The following CACNG2 variants were observed in gnomAD, a reference collection of about 807,000 sequenced individuals.
CACNG2 encodes voltage-dependent calcium channel gamma-2 subunit.
Under a neutral mutation model 25.9 loss-of-function variants are expected in CACNG2, and 3 were observed. That is an observed-to-expected ratio of 0.12 (90% CI 0.05 to 0.30). The LOEUF (loss-of-function observed/expected upper bound fraction) is 0.30, where lower values mean the gene tolerates loss of function less well. CACNG2 is among the 10% of genes least tolerant of loss of function. The pLI is 1.00. For synonymous variants in CACNG2, 167 were observed against 173.3 expected (o/e 0.96, Z 0.29); for missense variants, 341 against 432.5 (o/e 0.79, Z 1.88).
chr22:36,633,873 G>A (rs2283999), intron 1 of CACNG2, among the ~76,000 whole-genome samples: 12,585 of 152,214 alleles, frequency 0.083, 764 homozygotes, highest in East Asian at 0.25. Flanking sequence ...CTGAAAGTCG[G>A]TTTCGGTGGA....
chr22:36,589,382 A>G (rs1935553153), intron 1 of CACNG2, among the ~76,000 whole-genome samples: 1 of 152,218 alleles, frequency 6.6e-6, no homozygotes, highest in Non-Finnish European at 1.5e-5. Flanking sequence ...CATCAAAAGT[A>G]ATAGTGAAAC....
chr22:36,679,185 C>CTTTCTTTCTTTCTTT (rs1937057899), intron 1 of CACNG2, among the ~76,000 whole-genome samples: 4 of 102,524 alleles, frequency 3.9e-5, no homozygotes, highest in African/African-American at 1.8e-4. Flanking sequence ...TTCCTTCCTT[C>CTTTCTTTCTTTCTTT]CTTCCTTCCT....
At chr22:36,640,612 C>CT (rs1375290517) in intron 1 of CACNG2, among the ~76,000 whole-genome samples, 2 of 152,212 alleles carry the variant, frequency 1.3e-5, no homozygotes, top group Non-Finnish European at 2.9e-5. Flanking sequence ...ATAAGACCCA[C>CT]TGCAGAAGGT....
At chr22:36,619,546 G>A (rs1218154140) in intron 1 of CACNG2, among the ~76,000 whole-genome samples, 1 of 152,200 alleles carries the variant, frequency 6.6e-6, no homozygotes, top group Non-Finnish European at 1.5e-5. Context: ...AATGTTTTCA[G>A]TTTGAATTAT....
intron 2 of CACNG2, among the ~76,000 whole-genome samples, chr22:36,573,208 T>A (rs991572871): frequency 6.6e-6 from 1 of 152,252 alleles, no homozygotes; most frequent in Admixed American, 6.5e-5. Flanking sequence ...CATATTATTT[T>A]TATTTTTTAA....
chr22:36,695,750 C>T (rs945425104), intron 1 of CACNG2, among the ~76,000 whole-genome samples: 1 of 152,074 alleles, frequency 6.6e-6, no homozygotes, highest in Non-Finnish European at 1.5e-5. Flanking sequence ...CTTATCAGAG[C>T]TGTAATTTAT....
chr22:36,580,869 A>G (rs996312368), intron 2 of CACNG2, among the ~76,000 whole-genome samples: 3 of 152,078 alleles, frequency 2.0e-5, no homozygotes, highest in African/African-American at 7.2e-5. Context: ...CACACAACAC[A>G]CAGGGACCCA....
intron 2 of CACNG2, among the ~76,000 whole-genome samples, chr22:36,579,170 C>G (rs563357949): frequency 6.6e-6 from 1 of 152,088 alleles, no homozygotes; most frequent in African/African-American, 2.4e-5. Flanking sequence ...TTTGGGAAGC[C>G]GAGGTGGGTG....
At chr22:36,637,840 GGT>G (rs1255123366) in intron 1 of CACNG2, among the ~76,000 whole-genome samples, 4 of 152,066 alleles carry the variant, frequency 2.6e-5, no homozygotes, top group Admixed American at 2.6e-4. Flanking sequence ...TGGCCAACAT[GGT>G]GAAACTCTGT....
intron 1 of CACNG2, among the ~76,000 whole-genome samples, chr22:36,692,348 C>T (rs966171288): frequency 2.0e-5 from 3 of 152,172 alleles, no homozygotes; most frequent in African/African-American, 2.4e-5. Flanking sequence ...GGAAGTGGGA[C>T]GGCACTCCGC....
intron 1 of CACNG2, among the ~76,000 whole-genome samples, chr22:36,658,454 T>G (rs1434708322): frequency 2.0e-5 from 3 of 152,170 alleles, no homozygotes; most frequent in Non-Finnish European, 4.4e-5. Flanking sequence ...TTTTCACACA[T>G]GAGAAAGCCT....
chr22:36,604,148 G>A (rs1394413443), intron 1 of CACNG2, among the ~76,000 whole-genome samples: 1 of 152,136 alleles, frequency 6.6e-6, no homozygotes, highest in East Asian at 1.9e-4. Flanking sequence ...GACTTTCAGG[G>A]GTTCAAGATT....
intron 1 of CACNG2, among the ~76,000 whole-genome samples, chr22:36,694,579 ATC>A (rs984209797): frequency 6.6e-6 from 1 of 152,222 alleles, no homozygotes. Flanking sequence ...TATGCCAAGA[ATC>A]TCTCTGAATT....
chr22:36,581,838 T>C (rs138584488), intron 2 of CACNG2, among the ~76,000 whole-genome samples: 125 of 152,294 alleles, frequency 8.2e-4, no homozygotes, highest in African/African-American at 2.7e-3. Context: ...AACCCTGGCC[T>C]CAGGTCCATA....
chr22:36,692,195 C>T lies in CACNG2; in HGVS notation c.211+10171G>A, dbSNP rs114939735. Among the ~76,000 whole-genome samples, 601 of 152,262 alleles carry T rather than the reference C, an allele frequency of 3.9e-3. 4 individuals are homozygous for T. The highest frequency in any genetic ancestry group is 0.014 in the African/African-American group (578 of 41,558). ...CATGATGGAGGGGGTGGCAAGACAACGGGTGGATTCTTCCTACAACGAGGC... is the reference window on the plus strand; with the variant it reads ...CATGATGGAGGGGGTGGCAAGACAATGGGTGGATTCTTCCTACAACGAGGC... On this transcript the variant is annotated intron_variant, in intron 1 of 3. Coordinates refer to ENST00000300105, the MANE Select transcript of CACNG2 (RefSeq NM_006078.5).
intron 1 of CACNG2, among the ~76,000 whole-genome samples, chr22:36,651,834 C>T (rs1936620793): frequency 6.6e-6 from 1 of 152,064 alleles, no homozygotes; most frequent in Middle Eastern, 3.2e-3. Flanking sequence ...ACCAACCTCT[C>T]CTGGACCTCT....
At chr22:36,633,303 A>G (rs944157810) in intron 1 of CACNG2, among the ~76,000 whole-genome samples, 1 of 152,208 alleles carries the variant, frequency 6.6e-6, no homozygotes, top group Non-Finnish European at 1.5e-5. Context: ...CCCAATAACT[A>G]TGTGTTGAAT....
At chr22:36,656,419 G>C (rs1051102278) in intron 1 of CACNG2, among the ~76,000 whole-genome samples, 6 of 152,104 alleles carry the variant, frequency 3.9e-5, no homozygotes, top group African/African-American at 1.4e-4. Context: ...AGCAAATCTT[G>C]TTGGCTTCAC....
rs117052082 is a variant in CACNG2, at chr22:36,617,136, C to T, written c.212-29588G>A. 5.8e-4 allele frequency among the ~76,000 whole-genome samples: 88 copies of T among 152,264 alleles called. No homozygotes were observed. The East Asian group carries it at 0.015, about 26-fold the overall frequency. ...GACCTTGAACATGACTAGGAACTTG[C>T]TAGACCAGGTCATGGGGGTGGGGAG... On this transcript the variant is annotated intron_variant, in intron 1 of 3. Coordinates refer to ENST00000300105, the MANE Select transcript of CACNG2 (RefSeq NM_006078.5).
Sources: gnomAD v4.1 joint callset for allele counts (sites outside exome capture counted in the v4.1 genomes callset) on GRCh38, gnomAD v4.1.1 for gene constraint, MANE v1.5 for transcripts, NCBI Gene and HGNC (gene_info 2026-07-23, HGNC 2026-07-21) for gene names.